The following CACNA1B variants were observed in gnomAD, a reference collection of about 807,000 sequenced individuals.
The protein encoded by CACNA1B is calcium voltage-gated channel subunit alpha1 B, also known as voltage-dependent N-type calcium channel subunit alpha-1B.
In CACNA1B, 70 loss-of-function variants were observed where a neutral mutation model predicts 247.2. That is an observed-to-expected ratio of 0.28 (90% confidence interval 0.23 to 0.35). The LOEUF (loss-of-function observed/expected upper bound fraction) is 0.35, where lower values mean the gene tolerates loss of function less well. Ranked by LOEUF, CACNA1B falls within the 10% of genes least tolerant of loss-of-function variation. The pLI is 1.00. For synonymous variants in CACNA1B, 1,231 were observed against 1,294.4 expected (o/e 0.95, Z 1.05); for missense variants, 2,367 against 3,197.4 (o/e 0.74, Z 6.26).
At chr9:137,976,098 C>T in intron 12 of CACNA1B, 79 bp downstream of exon 12, 1 of 868,640 alleles carries the variant, frequency 1.2e-6, no homozygotes, top group Non-Finnish European at 1.9e-6. Context: ...TAGGCCATGC[C>T]CAGTGTGGGC....
At chr9:137,928,449 ACACAAG>A (rs1344147673) in intron 6 of CACNA1B, among the ~76,000 whole-genome samples, 1 of 152,186 alleles carries the variant, frequency 6.6e-6, no homozygotes, top group Admixed American at 6.5e-5. Flanking sequence ...TATCAAGGTA[ACACAAG>A]CTTCATAAAA....
intron 44 of CACNA1B, 28 bp downstream of exon 44, chr9:138,118,796 T>C: frequency 9.6e-7 from 1 of 1,036,628 alleles, no homozygotes; most frequent in Non-Finnish European, 1.4e-6. Context: ...GTCCAGGCCC[T>C]GGGCTGGGCA....
intron 3 of CACNA1B, among the ~76,000 whole-genome samples, chr9:137,906,937 AC>A (rs1957306501): frequency 6.6e-6 from 1 of 152,236 alleles, no homozygotes; most frequent in Non-Finnish European, 1.5e-5. Context: ...TTCTTAGAGA[AC>A]TAAAATATTA....
In CACNA1B at chr9:138,059,483, C is replaced by T. The variant is rs548309815; in HGVS notation, c.4585-171C>T. 1.3e-5 allele frequency among the ~76,000 whole-genome samples: 2 copies of T among 152,308 alleles called. No individual in the cohort carries two copies. The highest frequency in any genetic ancestry group is 3.9e-4 in the East Asian group (2 of 5,172). ...GAGGTATCTGTGTCCCTGGCTTTGA[C>T]ATCTGCTTACCTCTGGCCTTGTGCT... is the stretch of plus-strand genomic sequence containing the variant. On this transcript the variant is annotated intron_variant, in intron 30 of 46. Coordinates refer to ENST00000371372, the MANE Select transcript of CACNA1B (RefSeq NM_000718.4). This position sits in a 1 kb window ranked among gnomAD's most constrained non-coding sequence, Gnocchi z 4.2.
At chr9:138,113,455 C>T (rs755499345) in intron 40 of CACNA1B, among the ~76,000 whole-genome samples, 3 of 150,876 alleles carry the variant, frequency 2.0e-5, no homozygotes, top group Non-Finnish European at 4.4e-5. Flanking sequence ...TTGTGGGAGA[C>T]GTGAGGGAGC....
chr9:138,053,779 C>G, intron 25 of CACNA1B, 67 bp from the exon 26 acceptor site: 1 of 1,268,910 alleles, frequency 7.9e-7, no homozygotes, highest in Non-Finnish European at 1.1e-6. Context: ...CTACCCTTCC[C>G]CCTCATGGCC....
In CACNA1B at chr9:138,105,801, G is replaced by C; in HGVS notation, c.5422G>C (p.Ala1808Pro). Residue 1808 changes from alanine (A) to proline (P), a missense_variant, in exon 39 of 47, where the codon GCC (alanine) becomes CCC (proline). Physicochemically the swap from Ala to Pro is conservative, Grantham distance 27. Transcript: ENST00000371372. ...CCGGACGGCACTGGAGATCAAGCTG[G>C]CCCCAGGTGAGCAAGGCAGCCTCGG... Reference protein sequence around the residue: ...LIRTALEIKLAPAGTKQHQCD... With the variant: ...LIRTALEIKLPPAGTKQHQCD... 1 of 1,544,046 alleles carries C rather than the reference G, an allele frequency of 6.5e-7. No homozygotes were observed. The highest frequency in any genetic ancestry group is 2.4e-5 in the East Asian group (1 of 41,208).
Position 137,952,140 on chromosome 9 carries a change from C to T in CACNA1B, c.967-134C>T, listed in dbSNP as rs1161924111. The T allele has an allele frequency of 5.9e-6, 4 of 675,512 alleles. No homozygotes were observed. The highest frequency in any genetic ancestry group is 1.1e-5 in the Non-Finnish European group (4 of 373,868). The allele number at this position is 675,512 out of a possible 1,614,324, so 41.8% of individuals were successfully genotyped here. ...GCCCCATGCTTGGACCTCCCTGTGACTGGCCTCCCCACTGCCTGGACCCTA... is the reference window on the plus strand; with the variant it reads ...GCCCCATGCTTGGACCTCCCTGTGATTGGCCTCCCCACTGCCTGGACCCTA... On this transcript the variant is annotated intron_variant, in intron 6 of 46. Transcript: ENST00000371372. This position sits in a 1 kb window ranked among gnomAD's most constrained non-coding sequence, Gnocchi z 4.8.
At chr9:138,068,851 G>A (rs1316229952) in intron 31 of CACNA1B, among the ~76,000 whole-genome samples, 3 of 152,218 alleles carry the variant, frequency 2.0e-5, no homozygotes, top group African/African-American at 7.2e-5. Flanking sequence ...AAGAGGCCCT[G>A]GTGTAGGGCA....
In CACNA1B at chr9:138,058,494, C is replaced by G; in HGVS notation, c.4309-75C>G. 7.3e-7 allele frequency: 1 copy of G among 1,369,412 alleles called. No homozygotes were observed. The highest frequency in any genetic ancestry group is 1.0e-6 in the Non-Finnish European group (1 of 994,240). The allele number at this position is 1,369,412 out of a possible 1,614,324, so 84.8% of individuals were successfully genotyped here. A position where few individuals can be genotyped will look rare whatever the true frequency, so the allele number is the denominator to read the frequency against. On this transcript the variant is annotated intron_variant, in intron 28 of 46. Coordinates refer to ENST00000371372, the MANE Select transcript of CACNA1B (RefSeq NM_000718.4). This position sits in a 1 kb window ranked among gnomAD's most constrained non-coding sequence, Gnocchi z 4.7. ...GGGCTCCCTGTGAGGCCTGGCGAGA[C>G]AGGGCTGGGTGCAGTAGATGCCGTC...
chr9:138,121,626 C>T lies in CACNA1B; in HGVS notation c.6647C>T (p.Ala2216Val), dbSNP rs1362234518. The T allele has an allele frequency of 6.2e-7, 1 of 1,613,148 alleles. No individual in the cohort carries two copies. The highest frequency in any genetic ancestry group is 1.7e-5 in the Admixed American group (1 of 59,956). The change falls in exon 47 of 47, where the codon GCT (alanine) becomes GTT (valine). Residue 2216 changes from alanine to valine, a missense_variant. By Grantham distance (64) the Ala-to-Val change is moderately conservative. Coordinates refer to ENST00000371372, the MANE Select transcript of CACNA1B (RefSeq NM_000718.4). This position sits in a 1 kb window ranked among gnomAD's most constrained non-coding sequence, Gnocchi z 6.8. ...TCCTCACCCATCCACTTCGCCGGGG[C>T]TCAGACCAGCCTCCCTGCCTTCTCC... ...ANSSPIHFAG[A>V]QTSLPAFSPG...
intron 37 of CACNA1B, among the ~76,000 whole-genome samples, chr9:138,096,826 G>A (rs1484729358): frequency 1.4e-5 from 2 of 146,688 alleles, no homozygotes; most frequent in African/African-American, 5.1e-5. Context: ...GCAGTGGCCC[G>A]GACTGCATAA....
intron 12 of CACNA1B, among the ~76,000 whole-genome samples, chr9:137,976,285 A>G (rs907604010): frequency 6.6e-6 from 1 of 152,230 alleles, no homozygotes; most frequent in Non-Finnish European, 1.5e-5. Flanking sequence ...AGATTTTCAT[A>G]ATCAGCTGAA....
In CACNA1B at chr9:137,882,205, C is replaced by T. The variant is rs995716464; in HGVS notation, c.391-539C>T. On this transcript the variant is annotated intron_variant, in intron 2 of 46. Transcript: ENST00000371372. This position sits in a 1 kb window ranked among gnomAD's most constrained non-coding sequence, Gnocchi z 4.0. The stretch of plus-strand genomic sequence containing the variant: ...GAAAGCCTGAGCTGTATCCAGGCAA[C>T]CTTGTGCAGGTTCCCACCCAGAGGC... Among the ~76,000 whole-genome samples the T allele has an allele frequency of 1.3e-5, 2 of 152,198 alleles. No homozygotes were observed. The highest frequency in any genetic ancestry group is 6.5e-5 in the Admixed American group (1 of 15,292).
In CACNA1B at chr9:138,075,946, C is replaced by G. The variant is rs200719360; in HGVS notation, c.4949+36C>G. On this transcript the variant is annotated intron_variant, in intron 35 of 46. Transcript: ENST00000371372. ...CGGTCAGCCCAGGCCAATGTCTGCT[C>G]TTCCGTCGGGGGCTGCTTTACTCAG... The G allele has an allele frequency of 6.0e-5, 82 of 1,369,080 alleles. 2 individuals carry two copies. The African/African-American group carries it at 9.5e-4, about 16-fold the overall frequency. 84.8% of individuals were successfully genotyped at this position (1,369,080 alleles called of 1,614,324 possible). A position where few individuals can be genotyped will look rare whatever the true frequency, so the allele number is the denominator to read the frequency against.
chr9:138,093,389 G>A (rs1348774326), intron 36 of CACNA1B, among the ~76,000 whole-genome samples: 2 of 122,892 alleles, frequency 1.6e-5, no homozygotes, highest in African/African-American at 6.5e-5. Flanking sequence ...GGGCTACAGA[G>A]TGAGACTCTG....
At position 137,986,855 on chromosome 9, in the gene CACNA1B, G is replaced by C; in HGVS notation, c.1974+1G>C. 6.2e-7 allele frequency: 1 copy of C among 1,612,636 alleles called. No homozygotes were observed. The highest frequency in any genetic ancestry group is 8.5e-7 in the Non-Finnish European group (1 of 1,178,706). On this transcript the variant is annotated splice_donor_variant, in intron 15 of 46. Coordinates refer to ENST00000371372, the MANE Select transcript of CACNA1B (RefSeq NM_000718.4). LOFTEE classifies it high-confidence loss of function. This position sits in a 1 kb window ranked among gnomAD's most constrained non-coding sequence, Gnocchi z 6.0. ...TGCCGCCATCCTCACTGTCTTCCAGGTAAGGCACCTGCTCTGCACATTTGC... is the reference window on the plus strand; with the variant it reads ...TGCCGCCATCCTCACTGTCTTCCAGCTAAGGCACCTGCTCTGCACATTTGC...
chr9:138,055,595 T>A (rs866746152), intron 26 of CACNA1B, among the ~76,000 whole-genome samples: 1 of 152,208 alleles, frequency 6.6e-6, no homozygotes, highest in South Asian at 2.1e-4. Context: ...GCAGTTTACT[T>A]GGAAGTTGAT....
At position 138,023,108 on chromosome 9, in the gene CACNA1B, A is replaced by T; in HGVS notation, c.2365A>T (p.Ser789Cys). 1 of 1,535,192 alleles carries T rather than the reference A, an allele frequency of 6.5e-7. No homozygotes were observed. Among genetic ancestry groups the T allele is most frequent in the Non-Finnish European group, 8.7e-7 (1 of 1,148,014 alleles). ...GCGGGCCAGCTGCGAGGCGCTGTAC[A>T]GCGAGATGGACCCCGAGGAGCGGCT... ...NLRASCEALY[S>C]EMDPEERLRF... The change falls in exon 19 of 47, where the codon AGC (serine) becomes TGC (cysteine). Residue 789 changes from serine (S) to cysteine (C), a missense_variant. Transcript: ENST00000371372.
Sources: allele counts gnomAD v4.1 joint callset (sites outside exome capture counted in the v4.1 genomes callset), GRCh38; gene constraint gnomAD v4.1.1; non-coding constraint Gnocchi (gnomAD v3.1); transcripts MANE v1.5; gene names NCBI Gene and HGNC (gene_info 2026-07-23, HGNC 2026-07-21).